TAF12: variants seen among roughly 807,000 people sequenced by gnomAD.
TAF12 encodes transcription initiation factor TFIID subunit 12.
Under a neutral mutation model 20.8 loss-of-function variants are expected in TAF12, and 3 were observed. The ratio of observed to expected loss-of-function variants is 0.14; its 90% CI spans 0.07 to 0.37. The LOEUF is 0.37. Ranked by LOEUF, TAF12 falls within the 10% of genes least tolerant of loss-of-function variation. The pLI is 1.00. For missense variants in TAF12, 131 were observed against 197.9 expected, an observed-to-expected ratio of 0.66 and a Z score of 2.03; for synonymous variants, 69 against 70.2, an observed-to-expected ratio of 0.98 and a Z score of 0.09.
chr1:28,628,935 G>A (rs753801561), intron 1 of TAF12, among the ~76,000 whole-genome samples: 1 of 152,206 alleles, frequency 6.6e-6, no homozygotes. Flanking sequence ...AACCAGGCGC[G>A]TTGGCGGGCG....
intron 1 of TAF12, among the ~76,000 whole-genome samples, chr1:28,635,342 G>A (rs1557473445): frequency 8.7e-6 from 1 of 114,408 alleles, no homozygotes; most frequent in East Asian, 2.7e-4. Context: ...ACAGTGCAGT[G>A]TCGCCCAGGC....
intron 1 of TAF12, among the ~76,000 whole-genome samples, chr1:28,628,597 A>G (rs1438693638): frequency 6.6e-6 from 1 of 151,852 alleles, no homozygotes; most frequent in Non-Finnish European, 1.5e-5. Context: ...CCCTGATTAT[A>G]TTAAAAAAAA....
chr1:28,621,910 A>G lies in TAF12; in HGVS notation c.168+4T>C. 1 of 1,612,908 alleles carries G rather than the reference A, an allele frequency of 6.2e-7. No individual in the cohort carries two copies. The highest frequency in any genetic ancestry group is 8.5e-7 in the Non-Finnish European group (1 of 1,179,654). Reference sequence around the variant, plus strand: ...ACAGAGAAGAAAGAGTAAGAGGATGATACCTGATTGTTTTCAGGGCTAAGA... The same window carrying G: ...ACAGAGAAGAAAGAGTAAGAGGATGGTACCTGATTGTTTTCAGGGCTAAGA... On this transcript the variant is annotated splice_donor_region_variant and intron_variant, in intron 2 of 5. Coordinates refer to ENST00000373824, the MANE Select transcript of TAF12 (RefSeq NM_005644.4).
chr1:28,607,353 G>A lies in TAF12; in HGVS notation c.362-1893C>T, dbSNP rs931256541. 3.3e-5 allele frequency among the ~76,000 whole-genome samples: 5 copies of A among 151,832 alleles called. No individual in the cohort carries two copies. The East Asian group carries it at 7.8e-4, about 24-fold the overall frequency. On this transcript the variant is annotated intron_variant, in intron 4 of 5. Transcript: ENST00000373824. The stretch of plus-strand genomic sequence containing the variant: ...TCAAGACCAGTGTAGGCATAATAGT[G>A]AGACTGCATTGTTACTAGAAATAAA...
In TAF12 at chr1:28,613,299, C is replaced by T. The variant is rs751832344; in HGVS notation, c.309G>A (p.Ala103=). Residue 103 remains alanine (A), a synonymous_variant, in exon 4 of 6, where the codon GCG becomes GCA. Transcript: ENST00000373824. ...CCAGGGTGCTAGACTTGCGATGCCG[C>T]GCAAGCTGACAGGCTGCTGTCACCA... The part of the protein sequence containing the change: ...ESVVTAACQL[A]RHRKSSTLEV... 2.9e-5 allele frequency: 47 copies of T among 1,612,330 alleles called. No individual in the cohort carries two copies. The highest frequency in any genetic ancestry group is 1.0e-4 in the Admixed American group (6 of 59,710).
intron 1 of TAF12, among the ~76,000 whole-genome samples, chr1:28,636,579 T>C (rs1667830462): frequency 1.3e-5 from 2 of 151,508 alleles, no homozygotes; most frequent in African/African-American, 2.4e-5. Flanking sequence ...CACTTGAACC[T>C]AGGAGTTTGA....
At chr1:28,612,435 G>T (rs540077733) in intron 4 of TAF12, among the ~76,000 whole-genome samples, 2 of 144,006 alleles carry the variant, frequency 1.4e-5, no homozygotes, top group Admixed American at 7.1e-5. Context: ...AGTGAGACTC[G>T]ATCAAAAAAA....
rs1570290230 is a variant in TAF12 at position 28,605,268 on chromosome 1, G to A, written c.450+104C>T. 1.0e-5 allele frequency: 12 copies of A among 1,186,000 alleles called. No individual in the cohort carries two copies. In the East Asian group the frequency reaches 2.8e-4, roughly 28 times the overall value. 73.5% of individuals were successfully genotyped at this position (1,186,000 alleles called of 1,614,324 possible). A position where few individuals can be genotyped will look rare whatever the true frequency, so the allele number is the denominator to read the frequency against. On this transcript the variant is annotated intron_variant, in intron 5 of 5. Coordinates refer to ENST00000373824, the MANE Select transcript of TAF12 (RefSeq NM_005644.4). ...TGCTCCAGAGAGTGAAGTTTGCTGT[G>A]TGGAGGAAGCGAGGCCCCCTAGAAG...
intron 1 of TAF12, among the ~76,000 whole-genome samples, chr1:28,627,820 G>A (rs1205503668): frequency 6.6e-6 from 1 of 151,952 alleles, no homozygotes. Context: ...AAATAATTCT[G>A]ACTAAGCAAA....
At chr1:28,633,113 G>C (rs956369585) in intron 1 of TAF12, among the ~76,000 whole-genome samples, 4 of 148,166 alleles carry the variant, frequency 2.7e-5, no homozygotes, top group Non-Finnish European at 6.0e-5. Context: ...CACCTGCCTC[G>C]GCCTCCCAAA....
chr1:28,645,155 C>A (rs926732238), upstream of TAF12, among the ~76,000 whole-genome samples: 3 of 151,978 alleles, frequency 2.0e-5, no homozygotes, highest in Middle Eastern at 3.4e-3. Context: ...CCTGCCTCAG[C>A]CTCCCAAGTA....
intron 4 of TAF12, among the ~76,000 whole-genome samples, chr1:28,607,455 G>C (rs1478641844): frequency 1.3e-5 from 2 of 152,222 alleles, no homozygotes; most frequent in African/African-American, 4.8e-5. Context: ...CGGATCACCT[G>C]AAGTCAGGAG....
chr1:28,633,045 A>G (rs1014383283), intron 1 of TAF12, among the ~76,000 whole-genome samples: 2 of 150,966 alleles, frequency 1.3e-5, no homozygotes, highest in African/African-American at 4.9e-5. Context: ...TTTTTTATTT[A>G]GTACAGACGG....
chr1:28,627,324 G>T (rs1009318784), intron 1 of TAF12, among the ~76,000 whole-genome samples: 59 of 149,606 alleles, frequency 3.9e-4, no homozygotes, highest in African/African-American at 1.4e-3. Context: ...GGAGACAGAG[G>T]TTGCAGTGAG....
rs1666553248 is a variant in TAF12, at chr1:28,602,864, C to G, written c.*675G>C. On this transcript the variant is annotated 3_prime_UTR_variant, in exon 6 of 6. Coordinates refer to ENST00000373824, the MANE Select transcript of TAF12 (RefSeq NM_005644.4). ...ATATAACATTGCCAAAACAAGGATG[C>G]CTCTTCAGTTGAGGGCCGTGAGAGA... The G allele has an allele frequency of 6.6e-6, 1 of 151,634 alleles. No homozygotes were observed. Among genetic ancestry groups the G allele is most frequent in the African/African-American group, 2.4e-5 (1 of 41,244 alleles). The allele number at this position is 151,634 out of a possible 1,614,324, so 9.4% of individuals were successfully genotyped here. A position where few individuals can be genotyped will look rare whatever the true frequency, so the allele number is the denominator to read the frequency against.
At chr1:28,624,440 T>C (rs1667315902) in intron 1 of TAF12, among the ~76,000 whole-genome samples, 1 of 152,174 alleles carries the variant, frequency 6.6e-6, no homozygotes, top group Admixed American at 6.5e-5. Context: ...CACCACACTG[T>C]CTGACTTTCT....
At chr1:28,621,276 T>C (rs1248954811) in intron 2 of TAF12, among the ~76,000 whole-genome samples, 2 of 152,162 alleles carry the variant, frequency 1.3e-5, no homozygotes, top group African/African-American at 4.8e-5. Flanking sequence ...CTACACAGCC[T>C]ACAAAAAACA....
intron 1 of TAF12, among the ~76,000 whole-genome samples, chr1:28,631,177 AT>A (rs550856500): frequency 1.1e-4 from 17 of 150,562 alleles, no homozygotes; most frequent in East Asian, 2.0e-4. Context: ...GGAGGAAAAA[AT>A]TTTTTTTTTC....
upstream of TAF12, among the ~76,000 whole-genome samples, chr1:28,645,033 A>G (rs1006298554): frequency 6.6e-6 from 1 of 151,666 alleles, no homozygotes; most frequent in Admixed American, 6.6e-5. Flanking sequence ...CAAGTAGATG[A>G]ATTTTCTTTT....
Sources: allele counts gnomAD v4.1 joint callset (sites outside exome capture counted in the v4.1 genomes callset), GRCh38; gene constraint gnomAD v4.1.1; transcripts MANE v1.5; gene names NCBI Gene and HGNC (gene_info 2026-07-23, HGNC 2026-07-21).